NRG3: variants seen among roughly 807,000 people sequenced by gnomAD.
The protein encoded by NRG3 is pro-neuregulin-3, membrane-bound isoform.
A neutral mutation model predicts 66.9 loss-of-function variants in NRG3; 31 were observed. That is an observed-to-expected ratio of 0.46 (90% CI 0.35 to 0.63). NRG3 has a LOEUF of 0.63. Ranked by LOEUF, NRG3 falls within the 20% of genes least tolerant of loss-of-function variation. The pLI is 0.00. For missense variants in NRG3, 910 were observed against 878.9 expected, an observed-to-expected ratio of 1.04 and a Z score of -0.45; for synonymous variants, 393 against 359.4, an observed-to-expected ratio of 1.09 and a Z score of -1.06.
At chr10:82,779,348 G>T (rs115844576) in intron 3 of NRG3, among the ~76,000 whole-genome samples, 3,265 of 152,194 alleles carry the variant, frequency 0.021, 124 homozygotes, top group African/African-American at 0.074. Context: ...GGCATGAGTG[G>T]CAGAGTCAAG....
chr10:81,911,206 C>A (rs112757472), intron 1 of NRG3, among the ~76,000 whole-genome samples: 2,364 of 152,192 alleles, frequency 0.016, 53 homozygotes, highest in South Asian at 0.046. Flanking sequence ...CGGCATTTGG[C>A]CAAATATTTG....
intron 2 of NRG3, among the ~76,000 whole-genome samples, chr10:82,661,952 C>G (rs2052393598): frequency 6.6e-6 from 1 of 152,100 alleles, no homozygotes. Context: ...GAAGCTGTTT[C>G]CCATCTGCTG....
At chr10:82,847,175 A>G (rs191392744) in intron 3 of NRG3, among the ~76,000 whole-genome samples, 1 of 152,354 alleles carries the variant, frequency 6.6e-6, no homozygotes, top group Non-Finnish European at 1.5e-5. Context: ...AGCAAATGGC[A>G]TGTGGCAATT....
intron 1 of NRG3, among the ~76,000 whole-genome samples, chr10:82,085,132 G>T (rs1400502482): frequency 1.3e-5 from 2 of 152,096 alleles, no homozygotes; most frequent in East Asian, 3.9e-4. Context: ...TCTGAACGTT[G>T]TTCCTTTGTC....
chr10:82,074,018 A>G (rs537868408), intron 1 of NRG3, among the ~76,000 whole-genome samples: 1 of 152,208 alleles, frequency 6.6e-6, no homozygotes, highest in South Asian at 2.1e-4. Context: ...GTATGTGTGT[A>G]TATAAAATAT....
intron 2 of NRG3, among the ~76,000 whole-genome samples, chr10:82,661,075 A>G (rs952357249): frequency 5.9e-5 from 9 of 152,216 alleles, no homozygotes; most frequent in Non-Finnish European, 1.2e-4. Flanking sequence ...ACAAATATTT[A>G]CTGAGCATTT....
Position 82,900,108 on chromosome 10 carries a change from G to T in NRG3, c.1054+34671G>T, listed in dbSNP as rs149196767. On this transcript the variant is annotated intron_variant, in intron 4 of 8. Coordinates refer to ENST00000372141, the MANE Select transcript of NRG3 (RefSeq NM_001010848.4). ...TCATATGATGGGAGCAGGAGCAAGAGAGAGTGGTGTCACACTTTTAAAAGA... is the reference window on the plus strand; with the variant it reads ...TCATATGATGGGAGCAGGAGCAAGATAGAGTGGTGTCACACTTTTAAAAGA... 2.0e-5 allele frequency among the ~76,000 whole-genome samples: 3 copies of T among 152,238 alleles called. No homozygotes were observed. The East Asian group carries it at 5.8e-4, about 30-fold the overall frequency.
intron 1 of NRG3, among the ~76,000 whole-genome samples, chr10:82,138,728 G>A (rs1187131430): frequency 2.0e-5 from 3 of 152,110 alleles, no homozygotes; most frequent in Non-Finnish European, 2.9e-5. Flanking sequence ...TGTGGCCCAA[G>A]AGCCCCTGGG....
At chr10:82,500,841 T>C (rs1844107516) in intron 2 of NRG3, among the ~76,000 whole-genome samples, 1 of 152,118 alleles carries the variant, frequency 6.6e-6, no homozygotes, top group Non-Finnish European at 1.5e-5. Context: ...GAGAGTGTCC[T>C]AAACTCGGGT....
chr10:82,009,205 T>C (rs2132617207), intron 1 of NRG3, among the ~76,000 whole-genome samples: 1 of 152,326 alleles, frequency 6.6e-6, no homozygotes, highest in Non-Finnish European at 1.5e-5. Flanking sequence ...AAAAAAGTAC[T>C]ATAGAAATTT....
chr10:82,122,597 A>G (rs964117747), intron 1 of NRG3, among the ~76,000 whole-genome samples: 1 of 152,102 alleles, frequency 6.6e-6, no homozygotes, highest in Non-Finnish European at 1.5e-5. Flanking sequence ...GCTGCAGCCA[A>G]TGCCTTGTCC....
intron 4 of NRG3, among the ~76,000 whole-genome samples, chr10:82,909,010 T>A (rs1845052848): frequency 6.8e-6 from 1 of 147,432 alleles, no homozygotes; most frequent in African/African-American, 2.5e-5. Context: ...GTAGCTCCCG[T>A]GGACCCCATT....
At chr10:82,218,991 G>A (rs138566964) in intron 1 of NRG3, among the ~76,000 whole-genome samples, 8 of 152,032 alleles carry the variant, frequency 5.3e-5, no homozygotes, top group African/African-American at 1.9e-4. Context: ...GAATATCTGA[G>A]TTTGTCCATT....
At chr10:82,484,009 C>G (rs375961773) in intron 2 of NRG3, among the ~76,000 whole-genome samples, 1 of 152,196 alleles carries the variant, frequency 6.6e-6, no homozygotes, top group Non-Finnish European at 1.5e-5. Context: ...ATCTCCAGTG[C>G]CTAGACAAGC....
At chr10:82,921,736 T>C (rs1166642147) in intron 4 of NRG3, among the ~76,000 whole-genome samples, 2 of 152,166 alleles carry the variant, frequency 1.3e-5, no homozygotes, top group African/African-American at 2.4e-5. Flanking sequence ...TGTGAGAAAA[T>C]TCAACAACCA....
chr10:81,902,140 T>C (rs1027250165), intron 1 of NRG3, among the ~76,000 whole-genome samples: 1 of 152,166 alleles, frequency 6.6e-6, no homozygotes, highest in African/African-American at 2.4e-5. Flanking sequence ...ATAATTAACC[T>C]CACAGGGCAG....
At chr10:82,391,055 AT>A (rs1420035400) in intron 2 of NRG3, among the ~76,000 whole-genome samples, 2 of 152,178 alleles carry the variant, frequency 1.3e-5, no homozygotes, top group Non-Finnish European at 2.9e-5. Context: ...AAACAAGGAC[AT>A]TTTTTAGCTT....
intron 1 of NRG3, among the ~76,000 whole-genome samples, chr10:82,080,035 T>G (rs950032945): frequency 1.3e-5 from 2 of 152,084 alleles, no homozygotes; most frequent in Non-Finnish European, 2.9e-5. Context: ...TTTGGAGAAA[T>G]CACAAAAGAA....
chr10:82,389,300 T>C (rs1024176473), intron 2 of NRG3, among the ~76,000 whole-genome samples: 3 of 152,206 alleles, frequency 2.0e-5, no homozygotes, highest in African/African-American at 7.2e-5. Context: ...ACTGTGTTAG[T>C]GTAACTTTGA....
Sources: gnomAD v4.1 joint callset for allele counts (sites outside exome capture counted in the v4.1 genomes callset) on GRCh38, gnomAD v4.1.1 for gene constraint, MANE v1.5 for transcripts, NCBI Gene and HGNC (gene_info 2026-07-23, HGNC 2026-07-21) for gene names.